The following NSMCE2 variants were observed in gnomAD, a reference collection of about 807,000 sequenced individuals.
NSMCE2 encodes the protein NSE2 SUMO ligase component of SMC5/6 complex, also known as E3 SUMO-protein ligase NSE2.
A neutral mutation model predicts 23.8 loss-of-function variants in NSMCE2; 24 were observed. The observed-to-expected ratio is 1.01, with a 90% CI of 0.73 to 1.42. The LOEUF is 1.42. NSMCE2 is among the 40% of genes most tolerant of loss of function. The pLI is 0.00. For synonymous variants in NSMCE2, 92 were observed against 94.1 expected (o/e 0.98, Z 0.13); for missense variants, 284 against 296.5 (o/e 0.96, Z 0.31).
At chr8:125,143,617 T>A (rs1344134337) in intron 3 of NSMCE2, among the ~76,000 whole-genome samples, 1 of 152,194 alleles carries the variant, frequency 6.6e-6, no homozygotes, top group Non-Finnish European at 1.5e-5. Context: ...ATCCACTATA[T>A]ATAATTGGTG....
intron 5 of NSMCE2, among the ~76,000 whole-genome samples, chr8:125,278,471 G>A (rs562125166): frequency 6.6e-6 from 1 of 152,344 alleles, no homozygotes; most frequent in East Asian, 1.9e-4. Context: ...GCTGCCAGCA[G>A]AGCAGAGCGT....
chr8:125,367,025 C>A lies in NSMCE2; in HGVS notation c.*140C>A. 1 of 596,200 alleles carries A rather than the reference C, an allele frequency of 1.7e-6. No homozygotes were observed. The allele number at this position is 596,200 out of a possible 1,614,324, so 36.9% of individuals were successfully genotyped here. ...GTAAAACTTGTTGCTTTTATGTGTG[C>A]TTGAAAACATTTTTCAAAGTTACAC... On this transcript the variant is annotated 3_prime_UTR_variant, in exon 8 of 8. Coordinates refer to ENST00000287437, the MANE Select transcript of NSMCE2 (RefSeq NM_173685.4).
chr8:125,266,689 A>C (rs1826930643), intron 5 of NSMCE2, among the ~76,000 whole-genome samples: 1 of 152,238 alleles, frequency 6.6e-6, no homozygotes, highest in African/African-American at 2.4e-5. Context: ...TTTCAGATCC[A>C]GTATACCTGT....
intron 5 of NSMCE2, among the ~76,000 whole-genome samples, chr8:125,306,536 T>C (rs73704922): frequency 0.033 from 5,090 of 152,230 alleles, 266 homozygotes; most frequent in African/African-American, 0.12. Context: ...GTCAAATGTA[T>C]ACACTGAAAT....
chr8:125,204,088 A>G (rs1404620629), intron 5 of NSMCE2, among the ~76,000 whole-genome samples: 1 of 152,166 alleles, frequency 6.6e-6, no homozygotes, highest in Non-Finnish European at 1.5e-5. Flanking sequence ...TGCTTAGTAT[A>G]TATTTGGGAA....
At chr8:125,296,916 C>A (rs1828352628) in intron 5 of NSMCE2, among the ~76,000 whole-genome samples, 1 of 152,134 alleles carries the variant, frequency 6.6e-6, no homozygotes, top group South Asian at 2.1e-4. Flanking sequence ...AGTGCTTATA[C>A]TGATTTTTCT....
At chr8:125,226,533 TG>T (rs1320004845) in intron 5 of NSMCE2, among the ~76,000 whole-genome samples, 1 of 152,154 alleles carries the variant, frequency 6.6e-6, no homozygotes, top group East Asian at 1.9e-4. Context: ...TCGTGATGCT[TG>T]GGTGCCTTGG....
At chr8:125,198,756 G>A (rs1217053698) in intron 5 of NSMCE2, among the ~76,000 whole-genome samples, 2 of 152,184 alleles carry the variant, frequency 1.3e-5, no homozygotes, top group African/African-American at 4.8e-5. Flanking sequence ...GGTTTCAGAA[G>A]GAATGGTACC....
At chr8:125,124,225 C>G (rs1366704587) in intron 3 of NSMCE2, 1 of 152,132 alleles carries the variant, frequency 6.6e-6, no homozygotes, top group South Asian at 2.1e-4. Context: ...TCAGTAAGTA[C>G]TTTATTCCTT....
intron 5 of NSMCE2, among the ~76,000 whole-genome samples, chr8:125,339,787 C>T (rs1444339254): frequency 6.6e-6 from 1 of 152,114 alleles, no homozygotes; most frequent in Non-Finnish European, 1.5e-5. Flanking sequence ...GAGCTTGCCT[C>T]TCTCCTGGTG....
At chr8:125,329,668 G>A (rs1346898038) in intron 5 of NSMCE2, among the ~76,000 whole-genome samples, 2 of 152,164 alleles carry the variant, frequency 1.3e-5, no homozygotes, top group African/African-American at 4.8e-5. Context: ...CATCACAGTA[G>A]AGAGAGTGAT....
intron 5 of NSMCE2, among the ~76,000 whole-genome samples, chr8:125,223,583 A>G (rs921838369): frequency 2.0e-5 from 3 of 152,160 alleles, no homozygotes; most frequent in African/African-American, 4.8e-5. Context: ...AGTAATTTAC[A>G]TTCCCACGAA....
chr8:125,114,949 T>C (rs1818926649), intron 3 of NSMCE2, among the ~76,000 whole-genome samples: 2 of 152,210 alleles, frequency 1.3e-5, no homozygotes, highest in African/African-American at 4.8e-5. Context: ...ATTTTCAGAG[T>C]TGATAGCATT....
At chr8:125,352,144 G>A (rs1219644979) in intron 5 of NSMCE2, among the ~76,000 whole-genome samples, 1 of 152,140 alleles carries the variant, frequency 6.6e-6, no homozygotes, top group Non-Finnish European at 1.5e-5. Flanking sequence ...CACTGTAGCT[G>A]CTATATAACA....
intron 5 of NSMCE2, among the ~76,000 whole-genome samples, chr8:125,280,283 G>A (rs1041875718): frequency 1.3e-5 from 2 of 152,186 alleles, no homozygotes; most frequent in Admixed American, 1.3e-4. Context: ...TATAACTAGA[G>A]AGAAACAGAC....
intron 5 of NSMCE2, among the ~76,000 whole-genome samples, chr8:125,320,443 G>A (rs912424131): frequency 1.3e-5 from 2 of 151,960 alleles, no homozygotes; most frequent in Admixed American, 6.6e-5. Flanking sequence ...GGGATCTTAC[G>A]ATCAAATTGT....
intron 1 of NSMCE2, among the ~76,000 whole-genome samples, chr8:125,093,505 A>G (rs1169362350): frequency 3.3e-5 from 5 of 152,194 alleles, no homozygotes; most frequent in African/African-American, 1.2e-4. Context: ...CCTGGTCAAC[A>G]TAGCGAAACC....
chr8:125,357,654 C>T, intron 6 of NSMCE2, 58 bp from the exon 7 acceptor site: 2 of 1,285,178 alleles, frequency 1.6e-6, no homozygotes, highest in South Asian at 2.4e-5. Flanking sequence ...TAGGACGAAA[C>T]AGCTACTGGA....
chr8:125,226,371 G>A (rs1825092865), intron 5 of NSMCE2, among the ~76,000 whole-genome samples: 1 of 152,204 alleles, frequency 6.6e-6, no homozygotes, highest in Admixed American at 6.5e-5. Flanking sequence ...ACATTCGCGT[G>A]GGTCGTTTGT....
Sources: gnomAD v4.1 joint callset for allele counts (sites outside exome capture counted in the v4.1 genomes callset) on GRCh38, gnomAD v4.1.1 for gene constraint, MANE v1.5 for transcripts, NCBI Gene and HGNC (gene_info 2026-07-23, HGNC 2026-07-21) for gene names.